The following ARHGAP32 variants were observed in gnomAD, a reference collection of about 807,000 sequenced individuals.
ARHGAP32 encodes the protein Rho GTPase activating protein 32, also known as rho GTPase-activating protein 32.
A neutral mutation model predicts 186.5 loss-of-function variants in ARHGAP32; 51 were observed. That is an observed-to-expected ratio of 0.27 (90% CI 0.22 to 0.35). The LOEUF is 0.35. Among genes scored for constraint, ARHGAP32 ranks in the 10% least tolerant of loss-of-function variants. The pLI is 1.00. For synonymous variants in ARHGAP32, 950 were observed against 964.3 expected, an observed-to-expected ratio of 0.99 and a Z score of 0.27; for missense variants, 2,186 against 2,623.5, an observed-to-expected ratio of 0.83 and a Z score of 3.64.
intron 10 of ARHGAP32, among the ~76,000 whole-genome samples, chr11:129,052,203 T>C (rs1025444905): frequency 5.9e-5 from 9 of 152,210 alleles, no homozygotes; most frequent in Non-Finnish European, 8.8e-5. Context: ...TGAAAATCAG[T>C]TGTCCATGTG....
At chr11:129,139,032 A>C (rs921431677) in intron 2 of ARHGAP32, among the ~76,000 whole-genome samples, 5 of 152,160 alleles carry the variant, frequency 3.3e-5, no homozygotes, top group African/African-American at 7.2e-5. Flanking sequence ...AAATTAGAAC[A>C]ATGAGAAATA....
chr11:129,258,050 TAAAA>T lies in ARHGAP32; in HGVS notation c.-5+21092_-5+21095del, dbSNP rs538597784. The stretch of plus-strand genomic sequence containing the variant: ...AGTTCAAAAAAGTCTTATTTTTGTC[TAAAA>T]TAGCAATGTAATACATTTCATGTTA... On this transcript the variant is annotated intron_variant, in intron 1 of 6. Coordinates refer to the ARHGAP32 transcript ENST00000525234. 1.9e-3 allele frequency among the ~76,000 whole-genome samples: 285 copies of T among 152,336 alleles called. 4 individuals are homozygous for T. The highest frequency in any genetic ancestry group is 6.7e-3 in the African/African-American group (280 of 41,590).
chr11:129,062,454 G>C, intron 9 of ARHGAP32, 97 bp from the exon 10 acceptor site: 1 of 966,608 alleles, frequency 1.0e-6, no homozygotes, highest in Non-Finnish European at 1.6e-6. Context: ...AAAAGGTAAA[G>C]TACTATTCAT....
chr11:129,000,553 G>C (rs1946328492), intron 11 of ARHGAP32, among the ~76,000 whole-genome samples: 1 of 152,182 alleles, frequency 6.6e-6, no homozygotes, highest in Admixed American at 6.5e-5. Context: ...AGCATGCAAT[G>C]TGTAATAATC....
chr11:129,064,466 C>T (rs1940621160), intron 8 of ARHGAP32, among the ~76,000 whole-genome samples: 1 of 152,054 alleles, frequency 6.6e-6, no homozygotes, highest in South Asian at 2.1e-4. Flanking sequence ...AATAATGTTT[C>T]ACTCAATACT....
intron 2 of ARHGAP32, among the ~76,000 whole-genome samples, chr11:129,137,615 A>T (rs917764315): frequency 6.6e-6 from 1 of 152,040 alleles, no homozygotes; most frequent in Admixed American, 6.5e-5. Flanking sequence ...GAAGACGATT[A>T]AAGCAAACAA....
chr11:129,243,055 T>C (rs993122869), intron 1 of ARHGAP32, among the ~76,000 whole-genome samples: 1 of 152,144 alleles, frequency 6.6e-6, no homozygotes, highest in African/African-American at 2.4e-5. Flanking sequence ...CCCTCAACTT[T>C]CACTTCCACA....
At chr11:129,063,162 C>T (rs1228578925) in intron 9 of ARHGAP32, among the ~76,000 whole-genome samples, 2 of 152,096 alleles carry the variant, frequency 1.3e-5, no homozygotes, top group Non-Finnish European at 2.9e-5. Context: ...ATATTCACAA[C>T]TGATCTTACA....
chr11:129,162,603 A>G (rs1821518293), intron 2 of ARHGAP32, among the ~76,000 whole-genome samples: 1 of 152,190 alleles, frequency 6.6e-6, no homozygotes, highest in Non-Finnish European at 1.5e-5. Flanking sequence ...AAGATACATT[A>G]TAACCAATTT....
chr11:129,202,169 C>T (rs1272553309), intron 1 of ARHGAP32, among the ~76,000 whole-genome samples: 1 of 151,778 alleles, frequency 6.6e-6, no homozygotes, highest in Non-Finnish European at 1.5e-5. Flanking sequence ...AACTAAATAA[C>T]AAAGATAATG....
chr11:129,055,163 G>A (rs1940199130), intron 10 of ARHGAP32, among the ~76,000 whole-genome samples: 1 of 152,132 alleles, frequency 6.6e-6, no homozygotes, highest in Admixed American at 6.5e-5. Flanking sequence ...AAGAATTACT[G>A]GTAACAAAAT....
At chr11:129,129,725 T>A (rs1315722960) in intron 2 of ARHGAP32, among the ~76,000 whole-genome samples, 2 of 152,222 alleles carry the variant, frequency 1.3e-5, no homozygotes, top group African/African-American at 4.8e-5. Flanking sequence ...TGCTAAATGA[T>A]CTTCCAGAGG....
At chr11:129,106,694 AAAAT>A (rs1325086220) in intron 5 of ARHGAP32, among the ~76,000 whole-genome samples, 1 of 152,226 alleles carries the variant, frequency 6.6e-6, no homozygotes, top group Non-Finnish European at 1.5e-5. Context: ...GTTGAAAAAG[AAAAT>A]AAATATTCAC....
At chr11:129,220,012 A>C (rs1565472069) in intron 1 of ARHGAP32, among the ~76,000 whole-genome samples, 1 of 152,164 alleles carries the variant, frequency 6.6e-6, no homozygotes, top group Non-Finnish European at 1.5e-5. Context: ...CAAGGACAAA[A>C]AGTGAGAAGA....
chr11:128,987,290 T>G (rs1043464280), intron 13 of ARHGAP32, among the ~76,000 whole-genome samples: 1 of 152,198 alleles, frequency 6.6e-6, no homozygotes, highest in Non-Finnish European at 1.5e-5. Context: ...AGACCACTTA[T>G]CATCTACCTA....
chr11:129,279,218 G>T (rs1418336948), exon 1 of ARHGAP32: 5 of 123,094 alleles, frequency 4.1e-5, no homozygotes, highest in African/African-American at 1.2e-4. Context: ...TGCCCTCCGC[G>T]GGCCGGGCCC....
At chr11:129,175,003 G>C (rs962585031) in intron 1 of ARHGAP32, among the ~76,000 whole-genome samples, 2 of 138,908 alleles carry the variant, frequency 1.4e-5, no homozygotes, top group African/African-American at 5.5e-5. Context: ...TGAGCTATGG[G>C]AGGACATTCA....
intron 1 of ARHGAP32, among the ~76,000 whole-genome samples, chr11:129,238,920 G>A (rs989046749): frequency 7.3e-5 from 11 of 151,612 alleles, no homozygotes; most frequent in Admixed American, 1.3e-4. Flanking sequence ...CTGCAGCCTC[G>A]ACCTCCCAGG....
At chr11:129,256,137 C>CCATGCTGTTAGAAGCCTG (rs1945251362) in intron 1 of ARHGAP32, among the ~76,000 whole-genome samples, 1 of 151,980 alleles carries the variant, frequency 6.6e-6, no homozygotes, top group African/African-American at 2.4e-5. Flanking sequence ...AAAAACAAAT[C>CCATGCTGTTAGAAGCCTG]CATGCTGTTA....
Sources: gnomAD v4.1 joint callset for allele counts (sites outside exome capture counted in the v4.1 genomes callset) on GRCh38, gnomAD v4.1.1 for gene constraint, MANE v1.5 for transcripts, NCBI Gene and HGNC (gene_info 2026-07-23, HGNC 2026-07-21) for gene names.